LTBP1: variants seen among roughly 807,000 people sequenced by gnomAD.
LTBP1 encodes latent-transforming growth factor beta-binding protein 1.
In LTBP1, 129 loss-of-function variants were observed where a neutral mutation model predicts 207.6. The ratio of observed to expected loss-of-function variants is 0.62; its 90% CI spans 0.54 to 0.72. The LOEUF (loss-of-function observed/expected upper bound fraction) is 0.72. LTBP1 is among the 30% of genes least tolerant of loss of function. The pLI, the probability that LTBP1 is intolerant of heterozygous loss-of-function variation, is 0.00. For missense variants in LTBP1, 2,281 were observed against 2,217.2 expected (o/e 1.03, Z -0.58); for synonymous variants, 963 against 833.7 (o/e 1.16, Z -2.67).
chr2:33,380,941 C>T (rs2095206931), intron 31 of LTBP1, among the ~76,000 whole-genome samples: 1 of 152,100 alleles, frequency 6.6e-6, no homozygotes, highest in African/African-American at 2.4e-5. Flanking sequence ...AAAATTTCAG[C>T]TTGTCAGATT....
intron 3 of LTBP1, among the ~76,000 whole-genome samples, chr2:33,048,176 A>C (rs1472973182): frequency 6.6e-6 from 1 of 152,306 alleles, no homozygotes; most frequent in East Asian, 1.9e-4. Context: ...AGACATTCAG[A>C]AGCAGAGGAG....
At chr2:33,144,913 T>A (rs2082896380) in intron 5 of LTBP1, among the ~76,000 whole-genome samples, 1 of 152,170 alleles carries the variant, frequency 6.6e-6, no homozygotes, top group Admixed American at 6.5e-5. Flanking sequence ...ACAAATGATG[T>A]GAAAATGTTT....
rs553277775 is a variant in LTBP1, at chr2:33,033,987, C to A, written c.863+12781C>A. On this transcript the variant is annotated intron_variant, in intron 3 of 33. Coordinates refer to ENST00000404816, the MANE Select transcript of LTBP1 (RefSeq NM_206943.4). ...CTCTCAAGAGGCCACAGCCCTAACC[C>A]CCTCCCCGGCTCCCTGGGGGACAGG... is the stretch of plus-strand genomic sequence containing the variant. 3.9e-5 allele frequency among the ~76,000 whole-genome samples: 6 copies of A among 152,298 alleles called. No homozygotes were observed. In the East Asian group the frequency reaches 9.6e-4, roughly 24 times the overall value.
chr2:32,961,471 T>C lies in LTBP1; in HGVS notation c.565+12526T>C, dbSNP rs1398811080. ...ATTTTATTTTGATGATCATAGAAAA[T>C]CTACAGAGAGCTGATAGGATGTGTT... is the stretch of plus-strand genomic sequence containing the variant. On this transcript the variant is annotated intron_variant, in intron 2 of 33. Transcript: ENST00000404816. Among the ~76,000 whole-genome samples the C allele has an allele frequency of 2.6e-5, 4 of 152,350 alleles. No homozygotes were observed. In the East Asian group the frequency reaches 7.7e-4, roughly 29 times the overall value.
At chr2:33,262,591 C>T (rs182956517) in intron 13 of LTBP1, 131 bp from the exon 14 acceptor site, 32 of 421,090 alleles carry the variant, frequency 7.6e-5, no homozygotes, top group African/African-American at 6.4e-4. Flanking sequence ...ATGTAAGGTC[C>T]TATGATATTT....
intron 3 of LTBP1, among the ~76,000 whole-genome samples, chr2:33,038,893 G>A (rs1426842260): frequency 1.3e-5 from 2 of 152,194 alleles, no homozygotes; most frequent in Non-Finnish European, 2.9e-5. Flanking sequence ...GAGATGTGTA[G>A]GATCCTCTGG....
At position 33,315,152 on chromosome 2, in the gene LTBP1, G is replaced by A; in HGVS notation, c.3613G>A (p.Glu1205Lys). 1 of 1,596,784 alleles carries A rather than the reference G, an allele frequency of 6.3e-7. No individual in the cohort carries two copies. The highest frequency in any genetic ancestry group is 1.9e-5 in the Admixed American group (1 of 53,270). ...DDNKTCQDIN[E>K]CEHPGLCGPQ... ...TCTATTTTAAATTACAGATATTAAT[G>A]AATGTGAACATCCAGGGCTCTGTGG... is the stretch of plus-strand genomic sequence containing the variant. The change falls in exon 24 of 34, where the codon GAA becomes AAA. Residue 1205 changes from glutamate (E) to lysine (K), a missense_variant. By Grantham distance (56) the Glu-to-Lys change is moderately conservative. Transcript: ENST00000404816.
chr2:33,022,724 A>G (rs975927718), intron 3 of LTBP1, among the ~76,000 whole-genome samples: 1 of 152,192 alleles, frequency 6.6e-6, no homozygotes, highest in African/African-American at 2.4e-5. Context: ...AAATATTTTT[A>G]GCTTTGTGGG....
chr2:33,100,980 G>A (rs527465293), intron 3 of LTBP1, among the ~76,000 whole-genome samples: 1 of 152,178 alleles, frequency 6.6e-6, no homozygotes, highest in Non-Finnish European at 1.5e-5. Flanking sequence ...CCTTTTTGCT[G>A]TTATGAATAA....
intron 19 of LTBP1, among the ~76,000 whole-genome samples, chr2:33,287,892 C>T (rs1456166364): frequency 6.6e-6 from 1 of 152,204 alleles, no homozygotes; most frequent in Non-Finnish European, 1.5e-5. Flanking sequence ...GGACCAACAT[C>T]TGTCTCTCAT....
intron 5 of LTBP1, among the ~76,000 whole-genome samples, chr2:33,174,521 G>A (rs2085808571): frequency 1.3e-5 from 2 of 151,636 alleles, no homozygotes; most frequent in Non-Finnish European, 3.0e-5. Flanking sequence ...ACAAACAAAT[G>A]GAAGAACATT....
At chr2:33,389,421 A>C (rs1574129375) in intron 32 of LTBP1, 115 bp downstream of exon 32, 13 of 1,411,204 alleles carry the variant, frequency 9.2e-6, no homozygotes, top group East Asian at 2.3e-5. Flanking sequence ...CCCACCCCAG[A>C]CCTGCTGGTC....
intron 26 of LTBP1, among the ~76,000 whole-genome samples, chr2:33,356,552 G>A (rs181474895): frequency 1.6e-3 from 237 of 152,182 alleles, no homozygotes; most frequent in African/African-American, 4.5e-3. Context: ...GGTGGCAGGC[G>A]CCTGTAGTCC....
chr2:33,263,472 T>C, intron 15 of LTBP1, 80 bp downstream of exon 15: 1 of 1,016,808 alleles, frequency 9.8e-7, no homozygotes, highest in South Asian at 1.4e-5. Flanking sequence ...GTATCCATTA[T>C]ATAAGCTTGC....
intron 31 of LTBP1, among the ~76,000 whole-genome samples, chr2:33,367,376 G>A (rs1157109646): frequency 6.6e-6 from 1 of 152,012 alleles, no homozygotes; most frequent in African/African-American, 2.4e-5. Context: ...TATATTTAGG[G>A]GTGCAAGTGT....
At chr2:32,977,266 G>T (rs914004981) in intron 2 of LTBP1, among the ~76,000 whole-genome samples, 1 of 152,162 alleles carries the variant, frequency 6.6e-6, no homozygotes, top group Admixed American at 6.5e-5. Flanking sequence ...AGGACTGCTG[G>T]GTTGGAAGCT....
At chr2:33,199,420 A>G (rs1448909872) in intron 7 of LTBP1, among the ~76,000 whole-genome samples, 2 of 152,144 alleles carry the variant, frequency 1.3e-5, no homozygotes, top group African/African-American at 2.4e-5. Flanking sequence ...GACAAAATTC[A>G]ACAACCCTTC....
intron 3 of LTBP1, among the ~76,000 whole-genome samples, chr2:33,080,115 C>T (rs2078310373): frequency 6.6e-6 from 1 of 151,994 alleles, no homozygotes; most frequent in East Asian, 1.9e-4. Context: ...CAACCTCTGC[C>T]TCCCGAGTTC....
chr2:33,314,574 A>G (rs185029714), intron 23 of LTBP1, among the ~76,000 whole-genome samples: 87 of 152,276 alleles, frequency 5.7e-4, no homozygotes, highest in Admixed American at 2.0e-3. Context: ...GCCTTCTTTT[A>G]CTTGTATTTT....
Sources: allele counts gnomAD v4.1 joint callset (sites outside exome capture counted in the v4.1 genomes callset), GRCh38; gene constraint gnomAD v4.1.1; transcripts MANE v1.5; gene names NCBI Gene and HGNC (gene_info 2026-07-23, HGNC 2026-07-21).